Variants in ONECUT1 observed in about 807,000 individuals in gnomAD.
ONECUT1 encodes the protein one cut homeobox 1.
In ONECUT1, 12 loss-of-function variants were observed where a neutral mutation model predicts 25.6. That is an observed-to-expected ratio of 0.47 (90% CI 0.30 to 0.76). The LOEUF is 0.76. Ranked by LOEUF, ONECUT1 falls within the 30% of genes least tolerant of loss-of-function variation. ONECUT1 has a pLI of 0.07. For missense variants in ONECUT1, 620 were observed against 651.2 expected (o/e 0.95, Z 0.52); for synonymous variants, 285 against 270.2 (o/e 1.05, Z -0.54).
chr15:52,761,000 G>A (rs923147281), intron 1 of ONECUT1, among the ~76,000 whole-genome samples: 1 of 140,306 alleles, frequency 7.1e-6, no homozygotes, highest in African/African-American at 2.6e-5. Flanking sequence ...CTTGGCCAAA[G>A]GTTATGCCAC....
At position 52,772,331 on chromosome 15, in the gene ONECUT1, T is replaced by A. The variant is rs186223982; in HGVS notation, c.1106-14484A>T. 9.5e-3 allele frequency among the ~76,000 whole-genome samples: 1,434 copies of A among 150,514 alleles called. 27 individuals carry two copies. Among genetic ancestry groups the A allele is most frequent in the African/African-American group, 0.034 (1,400 of 40,838 alleles). ...ATCGCTTGAACCCGGGATGCAGAGGTTGCAGTGAGCCAAGATCGTGCCACT... is the reference window on the plus strand; with the variant it reads ...ATCGCTTGAACCCGGGATGCAGAGGATGCAGTGAGCCAAGATCGTGCCACT... On this transcript the variant is annotated intron_variant, in intron 1 of 1. Transcript: ENST00000305901.
rs1347426929 is a variant in ONECUT1, at chr15:52,756,765, C to A, written c.*790G>T. ...CATGTGTATTACAGCTAGATCAGTT[C>A]ATACGTATAACTTTTCATAGTATCT... On this transcript the variant is annotated 3_prime_UTR_variant, in exon 2 of 2. Transcript: ENST00000305901. Among the ~76,000 whole-genome samples, 1 of 152,190 alleles carries A rather than the reference C, an allele frequency of 6.6e-6. No homozygotes were observed. Among genetic ancestry groups the A allele is most frequent in the African/African-American group, 2.4e-5 (1 of 41,448 alleles).
chr15:52,788,630 TG>T lies in ONECUT1; in HGVS notation c.1105+149del. The T allele has an allele frequency of 2.4e-6, 2 of 816,672 alleles. No individual in the cohort carries two copies. The highest frequency in any genetic ancestry group is 1.7e-5 in the African/African-American group (1 of 57,918). 50.6% of individuals were successfully genotyped at this position (816,672 alleles called of 1,614,324 possible). On this transcript the variant is annotated intron_variant, in intron 1 of 1. Coordinates refer to ENST00000305901, the MANE Select transcript of ONECUT1 (RefSeq NM_004498.4). The surrounding 1 kb of genome is among the most constrained non-coding windows in gnomAD (Gnocchi z 4.3). Reference sequence around the variant, plus strand: ...GCAATTTGCTCCCACAGCCCTGTGCTGGCCCTTCCAGGCACAGGGAGTCCCC... The same window carrying T: ...GCAATTTGCTCCCACAGCCCTGTGCTGCCCTTCCAGGCACAGGGAGTCCCC...
intron 1 of ONECUT1, among the ~76,000 whole-genome samples, chr15:52,778,413 G>A (rs921237022): frequency 6.6e-6 from 1 of 152,164 alleles, no homozygotes; most frequent in Non-Finnish European, 1.5e-5. Flanking sequence ...GTCTCTAAGA[G>A]CATTTATGAA....
In ONECUT1 at chr15:52,789,216, C is replaced by G; in HGVS notation, c.669G>C (p.Pro223=). 1 of 1,561,402 alleles carries G rather than the reference C, an allele frequency of 6.4e-7. No homozygotes were observed. Residue 223 remains proline (P), a synonymous_variant, in exon 1 of 2, where the codon CCG becomes CCC. Coordinates refer to ENST00000305901, the MANE Select transcript of ONECUT1 (RefSeq NM_004498.4). This position sits in a 1 kb window ranked among gnomAD's most constrained non-coding sequence, Gnocchi z 4.1. ...GCTCCCCGTGGCGGCCGAGCATGGCCGGGTGGTGGGCTTCGAAGCCGTTGG... is the reference window on the plus strand; with the variant it reads ...GCTCCCCGTGGCGGCCGAGCATGGCGGGGTGGTGGGCTTCGAAGCCGTTGG... ...LTPNGFEAHH[P]AMLGRHGEQH... is the part of the protein sequence containing the mutation.
At chr15:52,761,009 A>G (rs931885987) in intron 1 of ONECUT1, among the ~76,000 whole-genome samples, 1 of 44,172 alleles carries the variant, frequency 2.3e-5, no homozygotes, top group Non-Finnish European at 3.9e-5. Context: ...AGGTTATGCC[A>G]CTCTGGGGTG....
intron 1 of ONECUT1, among the ~76,000 whole-genome samples, chr15:52,765,361 T>C (rs901292439): frequency 6.6e-6 from 1 of 152,200 alleles, no homozygotes; most frequent in Admixed American, 6.5e-5. Flanking sequence ...CAGCCAGCCA[T>C]GCACACAGGG....
rs972236949 is a variant in ONECUT1 at position 52,789,366 on chromosome 15, G to A, written c.519C>T (p.Ala173=). The stretch of plus-strand genomic sequence containing the variant: ...GGGGCGAGAGGCTCTGGCCCATGCC[G>A]GCCACGTCCTTGTGGTAGGGGGTAT... ...NLYTPYHKDV[A]GMGQSLSPLS... The change falls in exon 1 of 2, where the codon GCC becomes GCT. Residue 173 remains alanine (A), a synonymous_variant. Transcript: ENST00000305901. This position sits in a 1 kb window ranked among gnomAD's most constrained non-coding sequence, Gnocchi z 4.1. 1.2e-6 allele frequency: 2 copies of A among 1,608,724 alleles called. No homozygotes were observed. The highest frequency in any genetic ancestry group is 1.7e-6 in the Non-Finnish European group (2 of 1,176,786).
intron 1 of ONECUT1, among the ~76,000 whole-genome samples, chr15:52,772,372 C>T (rs1215662591): frequency 6.9e-6 from 1 of 144,636 alleles, no homozygotes; most frequent in Non-Finnish European, 1.5e-5. Flanking sequence ...CCAGCCTGGG[C>T]GACAGAGCGA....
rs1294200700 is a variant in ONECUT1 at position 52,755,249 on chromosome 15, C to T, written c.*2306G>A. 6.6e-6 allele frequency among the ~76,000 whole-genome samples: 1 copy of T among 151,996 alleles called. No homozygotes were observed. Among genetic ancestry groups the T allele is most frequent in the African/African-American group, 2.4e-5 (1 of 41,350 alleles). On this transcript the variant is annotated 3_prime_UTR_variant, in exon 2 of 2. Coordinates refer to ENST00000305901, the MANE Select transcript of ONECUT1 (RefSeq NM_004498.4). ...ATAAATACATTATGTAGCTGTATCC[C>T]CGGCTCCCTCCATCCCTGGAGAGAG...
chr15:52,764,604 C>T (rs1268430045), intron 1 of ONECUT1, among the ~76,000 whole-genome samples: 4 of 152,118 alleles, frequency 2.6e-5, no homozygotes, highest in African/African-American at 7.2e-5. Context: ...TTTTCTCCCT[C>T]GAAATAGCTG....
intron 1 of ONECUT1, among the ~76,000 whole-genome samples, chr15:52,768,024 C>T (rs932036670): frequency 1.3e-5 from 2 of 152,140 alleles, no homozygotes; most frequent in East Asian, 3.9e-4. Flanking sequence ...ATGATGGTTA[C>T]CAGAGGCTGG....
At chr15:52,777,737 C>CCCAAAAAAA (rs2083812031) in intron 1 of ONECUT1, among the ~76,000 whole-genome samples, 1 of 103,450 alleles carries the variant, frequency 9.7e-6, no homozygotes, top group African/African-American at 4.4e-5. Context: ...CACACACACA[C>CCCAAAAAAA]AAAAAAACAT....
chr15:52,764,416 G>C (rs1478621896), intron 1 of ONECUT1, among the ~76,000 whole-genome samples: 2 of 152,214 alleles, frequency 1.3e-5, no homozygotes, highest in Non-Finnish European at 2.9e-5. Context: ...TTTGTGAGGT[G>C]AGAGAAGCCA....
Position 52,790,035 on chromosome 15 carries a change from C to CTCCGTGTGTGTGTG in ONECUT1, c.-165_-152dup. The CTCCGTGTGTGTGTG allele has an allele frequency of 8.2e-7, 1 of 1,225,848 alleles. No individual in the cohort carries two copies. The highest frequency in any genetic ancestry group is 1.6e-5 in the African/African-American group (1 of 61,296). The allele number at this position is 1,225,848 out of a possible 1,614,324, so 75.9% of individuals were successfully genotyped here. A position where few individuals can be genotyped will look rare whatever the true frequency, so the allele number is the denominator to read the frequency against. On this transcript the variant is annotated 5_prime_UTR_variant, in exon 1 of 2. Transcript: ENST00000305901. ...GGGCTCTGTCTCTCTCTCTCTCTCT[C>CTCCGTGTGTGTGTG]TCCGTGTGTGTGTGTCCGTGTGTGC...
At chr15:52,777,094 AT>A (rs1209890769) in intron 1 of ONECUT1, among the ~76,000 whole-genome samples, 1 of 152,210 alleles carries the variant, frequency 6.6e-6, no homozygotes, top group Non-Finnish European at 1.5e-5. Flanking sequence ...TGTTGAATCA[AT>A]TATTCCTCTA....
At chr15:52,776,833 G>A (rs1340904299) in intron 1 of ONECUT1, among the ~76,000 whole-genome samples, 4 of 152,212 alleles carry the variant, frequency 2.6e-5, no homozygotes, top group Admixed American at 6.5e-5. Flanking sequence ...GTGTTTGGGC[G>A]AATGAAGGAA....
chr15:52,782,275 C>G (rs902237245), intron 1 of ONECUT1, among the ~76,000 whole-genome samples: 5 of 152,040 alleles, frequency 3.3e-5, no homozygotes, highest in Admixed American at 1.3e-4. Flanking sequence ...ATAGCAAGAC[C>G]CTGTGATAAG....
chr15:52,775,295 C>T (rs889073400), intron 1 of ONECUT1, among the ~76,000 whole-genome samples: 2 of 152,002 alleles, frequency 1.3e-5, no homozygotes, highest in African/African-American at 2.4e-5. Context: ...TACTACTTCT[C>T]TTTTAATTTC....
Sources: gnomAD v4.1 joint callset for allele counts (sites outside exome capture counted in the v4.1 genomes callset) on GRCh38, gnomAD v4.1.1 for gene constraint, Gnocchi (gnomAD v3.1) non-coding constraint, MANE v1.5 for transcripts, NCBI Gene and HGNC (gene_info 2026-07-23, HGNC 2026-07-21) for gene names.